The following IQANK1 variants were observed in gnomAD, a reference collection of about 807,000 sequenced individuals.
The protein encoded by IQANK1 is IQ motif and ankyrin repeat domain-containing protein 1.
In IQANK1, 30 loss-of-function variants were observed where a neutral mutation model predicts 22.6. That is an observed-to-expected ratio of 1.33 (90% CI 0.99 to 1.80). The LOEUF is 1.80. Ranked by LOEUF, IQANK1 falls within the 40% of genes most tolerant of loss-of-function variation. The pLI is 0.00. For synonymous variants in IQANK1, 122 were observed against 99.6 expected (o/e 1.23, Z -1.34); for missense variants, 275 against 235.2 (o/e 1.17, Z -1.11).
intron 11 of IQANK1, 37 bp from the exon 12 acceptor site, chr8:143,789,934 G>A (rs532410467): frequency 7.7e-5 from 95 of 1,231,860 alleles, no homozygotes; most frequent in Non-Finnish European, 9.2e-5. Context: ...GTCCGGCGTC[G>A]GGCTTGCCTG....
chr8:143,786,335 C>G (rs565716647), intron 7 of IQANK1, among the ~76,000 whole-genome samples: 2 of 152,194 alleles, frequency 1.3e-5, no homozygotes, highest in Admixed American at 6.5e-5. Context: ...CAACCTCACT[C>G]GGAGGCTACT....
At chr8:143,785,249 GTATCT>G (rs1246681756) in intron 7 of IQANK1, among the ~76,000 whole-genome samples, 20 of 128,126 alleles carry the variant, frequency 1.6e-4, no homozygotes, top group Non-Finnish European at 2.9e-4. Flanking sequence ...CCTTTGTTCT[GTATCT>G]TTTTTTTTTT....
rs1554630092 is a variant in IQANK1, at chr8:143,774,176, C to CA, written c.789+1694_789+1695insA. On this transcript the variant is annotated intron_variant, in intron 7 of 13. Coordinates refer to ENST00000527139, the MANE Select transcript of IQANK1 (RefSeq NM_001381874.1). The surrounding 1 kb of genome is among the most constrained non-coding windows in gnomAD (Gnocchi z 4.2). ...TTGGACATGACACAAAAAGCACAAT[C>CA]CAAAAAAAAAAAAAAACCACATTGA... Among the ~76,000 whole-genome samples, 1 of 39,984 alleles carries CA rather than the reference C, an allele frequency of 2.5e-5. No individual in the cohort carries two copies. The highest frequency in any genetic ancestry group is 3.9e-5 in the African/African-American group (1 of 25,524). The allele number at this position is 39,984 out of a possible 152,430, so 26.2% of individuals were successfully genotyped here. A position where few individuals can be genotyped will look rare whatever the true frequency, so the allele number is the denominator to read the frequency against.
chr8:143,788,431 A>C (rs1563782579), intron 7 of IQANK1, among the ~76,000 whole-genome samples: 1 of 152,190 alleles, frequency 6.6e-6, no homozygotes, highest in African/African-American at 2.4e-5. Context: ...CTGGGGACTC[A>C]GGAGGGTGAG....
At chr8:143,749,488 A>G (rs1819140889) in intron 3 of IQANK1, among the ~76,000 whole-genome samples, 1 of 134,092 alleles carries the variant, frequency 7.5e-6, no homozygotes, top group Admixed American at 7.6e-5. Flanking sequence ...GTATAAATAT[A>G]TAAATATATA....
chr8:143,785,915 C>T (rs946703929), intron 7 of IQANK1, among the ~76,000 whole-genome samples: 17 of 151,946 alleles, frequency 1.1e-4, no homozygotes, highest in East Asian at 7.8e-4. Flanking sequence ...TTAGTAGAGA[C>T]GGGGTTTCAC....
chr8:143,752,504 T>A (rs782716115), intron 3 of IQANK1, among the ~76,000 whole-genome samples: 2 of 152,214 alleles, frequency 1.3e-5, no homozygotes, highest in African/African-American at 2.4e-5. Context: ...TATATGCATG[T>A]CTTTCATCAA....
intron 3 of IQANK1, among the ~76,000 whole-genome samples, chr8:143,767,007 G>T (rs535409683): frequency 5.4e-4 from 83 of 152,348 alleles, no homozygotes; most frequent in Middle Eastern, 3.4e-3. Flanking sequence ...GGCTGTTTCT[G>T]AACCCACGGC....
chr8:143,776,340 A>AAAG (rs1554630422), intron 7 of IQANK1, among the ~76,000 whole-genome samples: 8 of 147,810 alleles, frequency 5.4e-5, no homozygotes, highest in African/African-American at 1.8e-4. Flanking sequence ...AAAAAAAAAA[A>AAAG]AAAAAGAAAA....
chr8:143,787,258 T>C (rs1188748663), intron 7 of IQANK1, among the ~76,000 whole-genome samples: 1 of 152,158 alleles, frequency 6.6e-6, no homozygotes, highest in East Asian at 1.9e-4. Context: ...ATTTTGGCCC[T>C]GGTGGGCTTT....
chr8:143,779,008 C>G (rs1290207611), intron 7 of IQANK1, among the ~76,000 whole-genome samples: 2 of 152,196 alleles, frequency 1.3e-5, no homozygotes, highest in African/African-American at 4.8e-5. Flanking sequence ...CTCAGGTGGG[C>G]TGCCTGCCTC....
chr8:143,741,169 G>A (rs1031502862), intron 3 of IQANK1, among the ~76,000 whole-genome samples: 7 of 152,234 alleles, frequency 4.6e-5, no homozygotes, highest in Middle Eastern at 6.8e-3. Context: ...AGGCAGGGAC[G>A]CCCCCATTTT....
At chr8:143,756,803 T>TA (rs1554628520) in intron 3 of IQANK1, among the ~76,000 whole-genome samples, 1 of 139,700 alleles carries the variant, frequency 7.2e-6, no homozygotes, top group African/African-American at 2.6e-5. Context: ...GTGTCTCTAC[T>TA]AAAAAAATTA....
chr8:143,755,563 C>T (rs1308820899), intron 3 of IQANK1, among the ~76,000 whole-genome samples: 1 of 152,122 alleles, frequency 6.6e-6, no homozygotes, highest in Non-Finnish European at 1.5e-5. Context: ...GGGGTTTCAT[C>T]ATGTTGGCCA....
At chr8:143,734,250 G>A (rs1224935156) in intron 1 of IQANK1, 31 bp downstream of exon 1, 1 of 152,030 alleles carries the variant, frequency 6.6e-6, no homozygotes, top group Non-Finnish European at 1.5e-5. Context: ...TCGAGCCCCG[G>A]GCGGGGCCGG....
chr8:143,776,327 C>CAAAAAAAAAAAAA (rs57571355), intron 7 of IQANK1, among the ~76,000 whole-genome samples: 1 of 105,834 alleles, frequency 9.4e-6, no homozygotes, highest in African/African-American at 3.8e-5. Context: ...GACTCCGTCT[C>CAAAAAAAAAAAAA]AAAAAAAAAA....
In IQANK1 at chr8:143,789,488, G is replaced by T. The variant is rs1819972660; in HGVS notation, c.1046G>T (p.Cys349Phe). 1 of 1,232,262 alleles carries T rather than the reference G, an allele frequency of 8.1e-7. No individual in the cohort carries two copies. The allele number at this position is 1,232,262 out of a possible 1,614,324, so 76.3% of individuals were successfully genotyped here. A position where few individuals can be genotyped will look rare whatever the true frequency, so the allele number is the denominator to read the frequency against. The change falls in exon 10 of 14, where the codon TGT becomes TTT. Residue 349 changes from cysteine (C) to phenylalanine (F), a missense_variant. Cys to Phe is a radical substitution (Grantham distance 205, BLOSUM62 -2). Coordinates refer to ENST00000527139, the MANE Select transcript of IQANK1 (RefSeq NM_001381874.1). ...CGGAGGATCTCAGAGCACGACCAGT[G>T]TGAGTGGAGGTGCATGGACAAGACC... ...LSRRISEHDQCEWRCMDKTKL... is the reference protein window; with the variant it reads ...LSRRISEHDQFEWRCMDKTKL...
rs879985765 is a variant in IQANK1 at position 143,735,801 on chromosome 8, C to T, written c.-4-49C>T. On this transcript the variant is annotated intron_variant, in intron 1 of 13. Transcript: ENST00000527139. The surrounding 1 kb of genome is among the most constrained non-coding windows in gnomAD (Gnocchi z 5.2). ...TCCCCACTGCCACTGCCCCTGCCCT[C>T]TGCCACTCTGAGCACCCTCTCCCTG... is the stretch of plus-strand genomic sequence containing the variant. The T allele has an allele frequency of 1.1e-4, 76 of 701,330 alleles. No individual in the cohort carries two copies. Among genetic ancestry groups the T allele is most frequent in the Non-Finnish European group, 1.8e-4 (69 of 384,258 alleles). 43.4% of individuals were successfully genotyped at this position (701,330 alleles called of 1,614,324 possible).
At chr8:143,750,689 C>T (rs1819171422) in intron 3 of IQANK1, among the ~76,000 whole-genome samples, 1 of 152,004 alleles carries the variant, frequency 6.6e-6, no homozygotes, top group Non-Finnish European at 1.5e-5. Flanking sequence ...TGGCATGTGC[C>T]TATAGTGCTA....
Sources: allele counts gnomAD v4.1 joint callset (sites outside exome capture counted in the v4.1 genomes callset), GRCh38; gene constraint gnomAD v4.1.1; non-coding constraint Gnocchi (gnomAD v3.1); transcripts MANE v1.5; gene names NCBI Gene and HGNC (gene_info 2026-07-23, HGNC 2026-07-21).